The following VPS26A variants were observed in gnomAD, a reference collection of about 807,000 sequenced individuals.
The protein encoded by VPS26A is VPS26 retromer complex component A, also known as vacuolar protein sorting-associated protein 26A.
A neutral mutation model predicts 42.4 loss-of-function variants in VPS26A; 22 were observed. The ratio of observed to expected loss-of-function variants is 0.52; its 90% CI spans 0.37 to 0.74. The LOEUF is 0.74. VPS26A is among the 30% of genes least tolerant of loss of function. The pLI is 0.00. For missense variants in VPS26A, 276 were observed against 379.2 expected (o/e 0.73, Z 2.26); for synonymous variants, 110 against 123.5 (o/e 0.89, Z 0.73).
At chr10:69,151,284 C>CAAAAAAAAAA (rs1162179375) in intron 2 of VPS26A, among the ~76,000 whole-genome samples, 5 of 111,868 alleles carry the variant, frequency 4.5e-5, no homozygotes, top group African/African-American at 2.1e-4. Flanking sequence ...AAAAAAAAAA[C>CAAAAAAAAAA]ACACACACAC....
At chr10:69,157,983 T>A in intron 4 of VPS26A, 64 bp from the exon 5 acceptor site, 1 of 1,402,702 alleles carries the variant, frequency 7.1e-7, no homozygotes, top group Non-Finnish European at 9.5e-7. Context: ...TAATGTTTGC[T>A]GATTTAAAAC....
chr10:69,141,727 A>C (rs11816908), intron 2 of VPS26A, among the ~76,000 whole-genome samples: 6,333 of 152,236 alleles, frequency 0.042, 459 homozygotes, highest in African/African-American at 0.14. Context: ...AAAAAACCTA[A>C]TTATGGTAAT....
intron 2 of VPS26A, among the ~76,000 whole-genome samples, chr10:69,150,996 T>C (rs1020003883): frequency 2.6e-5 from 4 of 151,862 alleles, no homozygotes; most frequent in Admixed American, 1.3e-4. Context: ...TTGGGCGTGG[T>C]GGCACACACC....
At chr10:69,151,284 C>CAAACAAAAAAAAA (rs1162179375) in intron 2 of VPS26A, among the ~76,000 whole-genome samples, 1 of 111,870 alleles carries the variant, frequency 8.9e-6, no homozygotes. Context: ...AAAAAAAAAA[C>CAAACAAAAAAAAA]ACACACACAC....
intron 1 of VPS26A, among the ~76,000 whole-genome samples, chr10:69,130,571 A>G (rs938586026): frequency 6.6e-6 from 1 of 152,218 alleles, no homozygotes; most frequent in African/African-American, 2.4e-5. Flanking sequence ...TAAAATAACT[A>G]TGAAAAAGTA....
In VPS26A at chr10:69,172,152, T is replaced by C. The variant is rs1276496244; in HGVS notation, c.*883T>C. On this transcript the variant is annotated 3_prime_UTR_variant, in exon 9 of 9. Coordinates refer to ENST00000263559, the MANE Select transcript of VPS26A (RefSeq NM_004896.5). ...ATGCAAATATTATTTTCTTCATACA[T>C]TCATTTTCTTTTCAGGGGAAAATTT... 6.6e-6 allele frequency: 1 copy of C among 152,242 alleles called. No individual in the cohort carries two copies. Among genetic ancestry groups the C allele is most frequent in the Non-Finnish European group, 1.5e-5 (1 of 68,044 alleles). The allele number at this position is 152,242 out of a possible 1,614,324, so 9.4% of individuals were successfully genotyped here.
intron 2 of VPS26A, among the ~76,000 whole-genome samples, chr10:69,145,919 A>G (rs1841151260): frequency 6.6e-6 from 1 of 152,108 alleles, no homozygotes; most frequent in Non-Finnish European, 1.5e-5. Context: ...CCACTAATTT[A>G]CAAATCTTCT....
intron 1 of VPS26A, among the ~76,000 whole-genome samples, chr10:69,128,190 ATTTTAG>A (rs1564671210): frequency 6.6e-6 from 1 of 150,752 alleles, no homozygotes; most frequent in Admixed American, 6.6e-5. Context: ...ATTGGTGGCA[ATTTTAG>A]TTCTATCAAA....
intron 5 of VPS26A, among the ~76,000 whole-genome samples, chr10:69,160,680 G>A (rs939653049): frequency 3.3e-5 from 5 of 152,110 alleles, no homozygotes; most frequent in South Asian, 4.2e-4. Context: ...TTGAACTCCT[G>A]ACCTCAGGTG....
intron 1 of VPS26A, among the ~76,000 whole-genome samples, chr10:69,129,694 T>C (rs1317651234): frequency 6.6e-6 from 1 of 152,042 alleles, no homozygotes; most frequent in African/African-American, 2.4e-5. Flanking sequence ...CAGTTAATTT[T>C]TTGTATGTTT....
At chr10:69,153,112 G>A (rs948461875) in intron 2 of VPS26A, among the ~76,000 whole-genome samples, 2 of 151,310 alleles carry the variant, frequency 1.3e-5, no homozygotes, top group African/African-American at 4.9e-5. Context: ...CCAGGCTGGA[G>A]TGCAGTGGTT....
At chr10:69,171,010 A>G (rs1841801154) in intron 8 of VPS26A, 146 bp from the exon 9 acceptor site, 1 of 649,258 alleles carries the variant, frequency 1.5e-6, no homozygotes, top group South Asian at 2.0e-5. Context: ...TTAGAGCTGG[A>G]AGAAAGTGGA....
rs897742748 is a variant in VPS26A, at chr10:69,174,069, C to G, written c.*2800C>G. Among the ~76,000 whole-genome samples, 3 of 152,194 alleles carry G rather than the reference C, an allele frequency of 2.0e-5. No individual in the cohort carries two copies. Among genetic ancestry groups the G allele is most frequent in the Admixed American group, 2.0e-4 (3 of 15,288 alleles). ...TAAGAGAATAAAAGCTGGCCACCCC[C>G]CAGCCAGCAGCGGCAACCGGCTCGG... On this transcript the variant is annotated 3_prime_UTR_variant, in exon 9 of 9. Transcript: ENST00000263559.
intron 1 of VPS26A, among the ~76,000 whole-genome samples, chr10:69,126,219 G>C (rs1247100548): frequency 8.5e-6 from 1 of 117,182 alleles, no homozygotes; most frequent in African/African-American, 2.8e-5. Flanking sequence ...CCAACAATTT[G>C]GGAGGCCGAG....
At position 69,174,101 on chromosome 10, in the gene VPS26A, C is replaced by G. The variant is rs1369776404; in HGVS notation, c.*2832C>G. On this transcript the variant is annotated 3_prime_UTR_variant, in exon 9 of 9. Coordinates refer to ENST00000263559, the MANE Select transcript of VPS26A (RefSeq NM_004896.5). ...GCAGCGGCAACCGGCTCGGGTCCCC[C>G]TCCATACTGTGGAAGCTCTGTTCTT... Among the ~76,000 whole-genome samples the G allele has an allele frequency of 6.6e-6, 1 of 152,240 alleles. No homozygotes were observed. Among genetic ancestry groups the G allele is most frequent in the Non-Finnish European group, 1.5e-5 (1 of 68,048 alleles).
At chr10:69,165,848 A>T (rs939322341) in intron 6 of VPS26A, among the ~76,000 whole-genome samples, 194 bp from the exon 7 acceptor site, 13 of 148,990 alleles carry the variant, frequency 8.7e-5, no homozygotes, top group South Asian at 2.1e-4. Context: ...TGGGAGGCTG[A>T]GGCAGAAGGA....
chr10:69,147,527 GT>G (rs1405789629), intron 2 of VPS26A, among the ~76,000 whole-genome samples: 1 of 151,994 alleles, frequency 6.6e-6, no homozygotes, highest in African/African-American at 2.4e-5. Flanking sequence ...TCTTCTAAGA[GT>G]TTTTTAATTG....
At chr10:69,132,843 A>G in intron 1 of VPS26A, 55 bp from the exon 2 acceptor site, 1 of 1,494,474 alleles carries the variant, frequency 6.7e-7, no homozygotes, top group Non-Finnish European at 9.0e-7. Flanking sequence ...TTCAAATTAT[A>G]AAATGTAGTG....
intron 2 of VPS26A, among the ~76,000 whole-genome samples, chr10:69,145,531 G>A (rs114904703): frequency 9.2e-5 from 14 of 152,210 alleles, no homozygotes; most frequent in African/African-American, 3.4e-4. Context: ...ATCAGTCTGT[G>A]GTGTGACACA....
Sources: gnomAD v4.1 joint callset for allele counts (sites outside exome capture counted in the v4.1 genomes callset) on GRCh38, gnomAD v4.1.1 for gene constraint, MANE v1.5 for transcripts, NCBI Gene and HGNC (gene_info 2026-07-23, HGNC 2026-07-21) for gene names.